The following DNM3 variants were observed in gnomAD, a reference collection of about 807,000 sequenced individuals.
The protein encoded by DNM3 is dynamin-3.
DNM3 carries 47 observed loss-of-function variants against 101.6 expected under a neutral mutation model. That is an observed-to-expected ratio of 0.46 (90% CI 0.37 to 0.59). DNM3 has a LOEUF of 0.59. DNM3 is among the 20% of genes least tolerant of loss of function. The pLI is 0.00. For synonymous variants in DNM3, 385 were observed against 387.9 expected (o/e 0.99, Z 0.09); for missense variants, 849 against 1,085.7 (o/e 0.78, Z 3.06).
intron 11 of DNM3, among the ~76,000 whole-genome samples, chr1:172,076,710 C>T (rs1484264734): frequency 1.3e-5 from 2 of 152,140 alleles, no homozygotes; most frequent in East Asian, 3.8e-4. Flanking sequence ...CTGCCGGATT[C>T]AGTTTGCCAG....
At chr1:172,023,545 C>G (rs570946516) in intron 4 of DNM3, among the ~76,000 whole-genome samples, 8 of 152,144 alleles carry the variant, frequency 5.3e-5, no homozygotes, top group African/African-American at 1.9e-4. Context: ...CCAATCCTTT[C>G]TTTGTGTCTT....
In DNM3 at chr1:172,412,484, A is replaced by AT; in HGVS notation, c.*4644dup. Reference sequence around the variant, plus strand: ...CTTTTGCTTTGTTTGAAGAAGGAATATACAGAAGTAAAATCTTGTCTTCTC... The same window carrying AT: ...CTTTTGCTTTGTTTGAAGAAGGAATATTACAGAAGTAAAATCTTGTCTTCTC... On this transcript the variant is annotated 3_prime_UTR_variant, in exon 21 of 21. Transcript: ENST00000627582. The AT allele has an allele frequency of 1.9e-5, 19 of 985,824 alleles. No homozygotes were observed. Among genetic ancestry groups the AT allele is most frequent in the Non-Finnish European group, 2.3e-5 (19 of 829,910 alleles). The allele number at this position is 985,824 out of a possible 1,614,324, so 61.1% of individuals were successfully genotyped here. A position where few individuals can be genotyped will look rare whatever the true frequency, so the allele number is the denominator to read the frequency against.
At chr1:172,004,045 G>A (rs1558405567) in intron 4 of DNM3, among the ~76,000 whole-genome samples, 1 of 151,974 alleles carries the variant, frequency 6.6e-6, no homozygotes, top group African/African-American at 2.4e-5. Context: ...TGCAGGGAGG[G>A]TTGAATGGAA....
intron 20 of DNM3, 40 bp downstream of exon 20, chr1:172,388,849 G>C (rs1454292735): frequency 1.4e-6 from 2 of 1,452,636 alleles, no homozygotes; most frequent in Admixed American, 4.1e-5. Flanking sequence ...AGTGCGCCTT[G>C]GTTCTCTTCT....
At chr1:172,025,044 T>C (rs2048102074) in intron 4 of DNM3, among the ~76,000 whole-genome samples, 1 of 152,184 alleles carries the variant, frequency 6.6e-6, no homozygotes, top group Non-Finnish European at 1.5e-5. Flanking sequence ...CAAGCTAAGA[T>C]CCACTGGCTT....
At chr1:172,040,479 T>G (rs1005226483) in intron 7 of DNM3, among the ~76,000 whole-genome samples, 19 of 142,728 alleles carry the variant, frequency 1.3e-4, no homozygotes, top group South Asian at 2.2e-4. Context: ...AAATAGTTGG[T>G]TTTTTTTTTT....
At chr1:172,273,004 T>G (rs142268272) in intron 15 of DNM3, among the ~76,000 whole-genome samples, 108 of 152,222 alleles carry the variant, frequency 7.1e-4, no homozygotes, top group Non-Finnish European at 1.4e-3. Flanking sequence ...ATTTTATTCT[T>G]TTTTCTTTAA....
chr1:172,163,249 T>TG (rs1015681471), intron 14 of DNM3, among the ~76,000 whole-genome samples: 27 of 150,600 alleles, frequency 1.8e-4, no homozygotes, highest in African/African-American at 5.4e-4. Context: ...TTTTGTTTTT[T>TG]TTTTTTTTTG....
chr1:172,021,074 G>T (rs959456736), intron 4 of DNM3, among the ~76,000 whole-genome samples: 1 of 152,214 alleles, frequency 6.6e-6, no homozygotes. Context: ...TCTAAGAAGG[G>T]TTGGTTTTTC....
chr1:172,231,799 C>G (rs1018098093), intron 14 of DNM3, among the ~76,000 whole-genome samples: 1 of 152,130 alleles, frequency 6.6e-6, no homozygotes, highest in East Asian at 1.9e-4. Context: ...GATGAATGCA[C>G]AAGCTTCAGT....
intron 10 of DNM3, 120 bp from the exon 11 acceptor site, chr1:172,068,699 T>C (rs1247588106): frequency 1.2e-6 from 1 of 828,276 alleles, no homozygotes; most frequent in East Asian, 2.7e-5. Context: ...TGATGATATT[T>C]CATTTTTGCT....
intron 2 of DNM3, among the ~76,000 whole-genome samples, chr1:171,924,093 A>T (rs2040380095): frequency 6.6e-6 from 1 of 152,122 alleles, no homozygotes; most frequent in South Asian, 2.1e-4. Context: ...TGGTGGGCTT[A>T]GGTTGATTCC....
chr1:172,076,177 C>T (rs1212477798), intron 11 of DNM3, among the ~76,000 whole-genome samples: 1 of 152,170 alleles, frequency 6.6e-6, no homozygotes, highest in African/African-American at 2.4e-5. Context: ...TATCCTGAGA[C>T]TTTGCTGAAG....
intron 15 of DNM3, among the ~76,000 whole-genome samples, chr1:172,307,711 A>G (rs537956424): frequency 2.8e-4 from 43 of 152,324 alleles, no homozygotes; most frequent in African/African-American, 1.0e-3. Flanking sequence ...GGATGAGTTC[A>G]TGTCTTTTGC....
intron 10 of DNM3, among the ~76,000 whole-genome samples, chr1:172,064,249 T>C (rs978837045): frequency 2.6e-5 from 4 of 152,194 alleles, no homozygotes; most frequent in African/African-American, 9.6e-5. Context: ...TATTTAGGCA[T>C]ACATACTTAA....
chr1:172,033,199 C>A lies in DNM3; in HGVS notation c.783C>A (p.Ser261=). The change falls in exon 6 of 21, where the codon TCC becomes TCA. Residue 261 remains serine, a synonymous_variant. Coordinates refer to ENST00000627582, the MANE Select transcript of DNM3 (RefSeq NM_015569.5). ...AMLAERKFFL[S]HPAYRHIADR... ...TGGCAGAGAGGAAGTTTTTCCTTTC[C>A]CACCCGGCTTACAGACATATCGCTG... 6.2e-7 allele frequency: 1 copy of A among 1,609,224 alleles called. No individual in the cohort carries two copies. Among genetic ancestry groups the A allele is most frequent in the Non-Finnish European group, 8.5e-7 (1 of 1,177,808 alleles).
chr1:171,957,903 G>GT (rs1255674431), intron 2 of DNM3, among the ~76,000 whole-genome samples: 1 of 152,092 alleles, frequency 6.6e-6, no homozygotes, highest in Non-Finnish European at 1.5e-5. Context: ...ACCTCTGCCT[G>GT]TTACCCAGTT....
intron 15 of DNM3, among the ~76,000 whole-genome samples, chr1:172,255,516 G>A (rs2062361212): frequency 6.6e-6 from 1 of 152,130 alleles, no homozygotes; most frequent in Non-Finnish European, 1.5e-5. Context: ...CAAGGCTATG[G>A]TAGACTATCA....
At chr1:171,972,548 A>G (rs759845892) in intron 2 of DNM3, among the ~76,000 whole-genome samples, 1 of 152,158 alleles carries the variant, frequency 6.6e-6, no homozygotes, top group Non-Finnish European at 1.5e-5. Context: ...TATGCGAGGC[A>G]CTTTAAATAC....
Sources: allele counts gnomAD v4.1 joint callset (sites outside exome capture counted in the v4.1 genomes callset), GRCh38; gene constraint gnomAD v4.1.1; transcripts MANE v1.5; gene names NCBI Gene and HGNC (gene_info 2026-07-23, HGNC 2026-07-21).